Variants in EYS observed in about 807,000 individuals in gnomAD.
EYS encodes the protein EGF-like photoreceptor maintenance factor.
In EYS, 250 loss-of-function variants were observed where a neutral mutation model predicts 282.1. The ratio of observed to expected loss-of-function variants is 0.89; its 90% CI spans 0.80 to 0.98. The LOEUF (loss-of-function observed/expected upper bound fraction) is 0.98. Ranked by LOEUF, EYS falls within the 50% of genes least tolerant of loss-of-function variation. The pLI is 0.00. For synonymous variants in EYS, 1,355 were observed against 1,282.9 expected (o/e 1.06, Z -1.20); for missense variants, 4,016 against 3,709.0 (o/e 1.08, Z -2.15).
At chr6:65,307,922 C>T (rs1313585000) in intron 11 of EYS, among the ~76,000 whole-genome samples, 2 of 149,508 alleles carry the variant, frequency 1.3e-5, no homozygotes, top group Non-Finnish European at 3.0e-5. Context: ...TCTCCCACTT[C>T]TATGTGTGTA....
chr6:64,091,912 C>G (rs1772377225), intron 31 of EYS, among the ~76,000 whole-genome samples: 1 of 152,112 alleles, frequency 6.6e-6, no homozygotes, highest in Admixed American at 6.5e-5. Flanking sequence ...CTCCCCACCC[C>G]ACAACAGGCC....
chr6:64,721,882 A>T (rs1771594680), intron 22 of EYS, among the ~76,000 whole-genome samples: 1 of 152,316 alleles, frequency 6.6e-6, no homozygotes, highest in African/African-American at 2.4e-5. Context: ...TTGGAACCAG[A>T]TGATATTTGG....
At chr6:65,442,181 T>C (rs1337812592) in intron 5 of EYS, among the ~76,000 whole-genome samples, 3 of 152,054 alleles carry the variant, frequency 2.0e-5, no homozygotes, top group African/African-American at 7.2e-5. Flanking sequence ...TCTTCATATA[T>C]GAAAATTTCT....
chr6:65,231,247 C>G (rs1270347288), intron 12 of EYS, among the ~76,000 whole-genome samples: 1 of 146,776 alleles, frequency 6.8e-6, no homozygotes, highest in East Asian at 2.0e-4. Flanking sequence ...GCTTTTTAAG[C>G]AATAATATCC....
At chr6:64,088,319 A>T (rs753409300) in intron 31 of EYS, among the ~76,000 whole-genome samples, 1 of 152,104 alleles carries the variant, frequency 6.6e-6, no homozygotes, top group Non-Finnish European at 1.5e-5. Flanking sequence ...TGTATTAAAC[A>T]TCTTACATAT....
At chr6:64,149,699 C>T (rs11968172) in intron 31 of EYS, among the ~76,000 whole-genome samples, 1,681 of 152,268 alleles carry the variant, frequency 0.011, 28 homozygotes, top group African/African-American at 0.038. Context: ...TTAAGTAACT[C>T]GTACAATGCA....
At chr6:65,446,228 G>A (rs1405658318) in intron 5 of EYS, among the ~76,000 whole-genome samples, 2 of 151,730 alleles carry the variant, frequency 1.3e-5, no homozygotes, top group East Asian at 3.9e-4. Context: ...AGAAACAGTA[G>A]TTTTAGAAAA....
Position 65,544,930 on chromosome 6 carries a change from G to T in EYS, c.-332-48937C>A, listed in dbSNP as rs115436491. Reference sequence around the variant, plus strand: ...ATCTTCTTTATAAAATAATTTAAAAGAACTGATAATCACAAGACAGATTAC... The same window carrying T: ...ATCTTCTTTATAAAATAATTTAAAATAACTGATAATCACAAGACAGATTAC... On this transcript the variant is annotated intron_variant, in intron 2 of 42. Transcript: ENST00000503581. Among the ~76,000 whole-genome samples, 1,174 of 152,014 alleles carry T rather than the reference G, an allele frequency of 7.7e-3. 18 individuals are homozygous for T. The highest frequency in any genetic ancestry group is 0.025 in the African/African-American group (1,052 of 41,472).
chr6:65,168,760 T>G (rs1022056313), intron 12 of EYS, among the ~76,000 whole-genome samples: 1 of 151,386 alleles, frequency 6.6e-6, no homozygotes, highest in Non-Finnish European at 1.5e-5. Flanking sequence ...GTTTTCAACT[T>G]CTTTCAAGAC....
chr6:65,129,685 A>G (rs1775814363), intron 12 of EYS, among the ~76,000 whole-genome samples: 1 of 151,972 alleles, frequency 6.6e-6, no homozygotes, highest in South Asian at 2.1e-4. Flanking sequence ...GAGGCTGCAG[A>G]GGAAATAAAA....
chr6:64,470,523 T>C (rs1776091252), intron 26 of EYS, among the ~76,000 whole-genome samples: 1 of 152,162 alleles, frequency 6.6e-6, no homozygotes, highest in Non-Finnish European at 1.5e-5. Flanking sequence ...TCCAATCTTT[T>C]GCCCTGGTTT....
intron 28 of EYS, among the ~76,000 whole-genome samples, chr6:64,422,399 T>C (rs1774266160): frequency 6.6e-6 from 1 of 152,164 alleles, no homozygotes; most frequent in African/African-American, 2.4e-5. Flanking sequence ...TATGTTCTAC[T>C]TTGTAGCAAG....
At chr6:64,227,658 T>G (rs1168360045) in intron 31 of EYS, among the ~76,000 whole-genome samples, 1 of 152,076 alleles carries the variant, frequency 6.6e-6, no homozygotes, top group Non-Finnish European at 1.5e-5. Context: ...ATAAGATGTA[T>G]GAAGCACTCA....
At chr6:64,978,422 A>C (rs1770542341) in intron 14 of EYS, among the ~76,000 whole-genome samples, 1 of 151,982 alleles carries the variant, frequency 6.6e-6, no homozygotes, top group African/African-American at 2.4e-5. Flanking sequence ...ATTCGTTTCA[A>C]AATATTACTG....
At chr6:63,759,130 A>G (rs1254370405) in intron 41 of EYS, among the ~76,000 whole-genome samples, 1 of 152,148 alleles carries the variant, frequency 6.6e-6, no homozygotes, top group East Asian at 1.9e-4. Context: ...TTGAAAAAAT[A>G]ACCTCATAGA....
chr6:65,325,485 T>A (rs924456397), intron 11 of EYS, among the ~76,000 whole-genome samples: 6 of 152,064 alleles, frequency 3.9e-5, no homozygotes, highest in African/African-American at 1.2e-4. Context: ...GGTCTCACAA[T>A]TCATAAGTGA....
chr6:64,714,981 T>C (rs548000726), intron 22 of EYS, among the ~76,000 whole-genome samples: 1 of 152,026 alleles, frequency 6.6e-6, no homozygotes, highest in African/African-American at 2.4e-5. Context: ...TGTGTTAATA[T>C]GTAGGTGACC....
At chr6:65,120,151 C>CAAAAAAAAA (rs1170415166) in intron 12 of EYS, among the ~76,000 whole-genome samples, 32 of 62,490 alleles carry the variant, frequency 5.1e-4, no homozygotes, top group Admixed American at 1.2e-3. Flanking sequence ...GACTCCGTCT[C>CAAAAAAAAA]AAAAAAAAAA....
At chr6:65,584,172 T>A (rs570630726) in intron 2 of EYS, among the ~76,000 whole-genome samples, 2 of 152,214 alleles carry the variant, frequency 1.3e-5, no homozygotes, top group Non-Finnish European at 2.9e-5. Context: ...TATTTCTGCA[T>A]CATAGTCTTA....
Sources: gnomAD v4.1 joint callset for allele counts (sites outside exome capture counted in the v4.1 genomes callset) on GRCh38, gnomAD v4.1.1 for gene constraint, MANE v1.5 for transcripts, NCBI Gene and HGNC (gene_info 2026-07-23, HGNC 2026-07-21) for gene names.